The following TAFA1 variants were observed in gnomAD, a reference collection of about 807,000 sequenced individuals.
TAFA1 encodes the protein TAFA chemokine like family member 1, also known as chemokine-like protein TAFA-1.
Under a neutral mutation model 18.5 loss-of-function variants are expected in TAFA1, and 4 were observed. That is an observed-to-expected ratio of 0.22 (90% CI 0.11 to 0.49). The LOEUF is 0.49. Among genes scored for constraint, TAFA1 ranks in the 20% least tolerant of loss-of-function variants. TAFA1 has a pLI of 0.98. For missense variants in TAFA1, 147 were observed against 169.0 expected (o/e 0.87, Z 0.72); for synonymous variants, 56 against 55.2 (o/e 1.01, Z -0.06).
chr3:68,051,225 T>C (rs1261024473), intron 2 of TAFA1, among the ~76,000 whole-genome samples: 1 of 152,180 alleles, frequency 6.6e-6, no homozygotes, highest in Non-Finnish European at 1.5e-5. Flanking sequence ...AGTGAATAAA[T>C]GTTTCTATTA....
intron 2 of TAFA1, among the ~76,000 whole-genome samples, chr3:68,178,545 G>C (rs553758989): frequency 9.2e-5 from 14 of 152,190 alleles, no homozygotes; most frequent in Non-Finnish European, 2.1e-4. Context: ...CATCCAGGAG[G>C]AGGTATGTAT....
intron 3 of TAFA1, among the ~76,000 whole-genome samples, chr3:68,460,824 T>C (rs933501722): frequency 1.3e-5 from 2 of 152,268 alleles, no homozygotes; most frequent in Non-Finnish European, 1.5e-5. Flanking sequence ...ATGCTGCTAG[T>C]CTGGGGATCA....
chr3:68,433,996 A>C (rs2071227356), intron 3 of TAFA1, among the ~76,000 whole-genome samples: 1 of 152,046 alleles, frequency 6.6e-6, no homozygotes, highest in African/African-American at 2.4e-5. Context: ...TGTATCACAG[A>C]CTCAATTGAC....
At chr3:68,085,392 T>C (rs1423879840) in intron 2 of TAFA1, among the ~76,000 whole-genome samples, 1 of 152,202 alleles carries the variant, frequency 6.6e-6, no homozygotes, top group Admixed American at 6.5e-5. Context: ...TATGATTACA[T>C]GTTTTGAGGA....
chr3:68,370,702 T>C (rs908500086), intron 2 of TAFA1, among the ~76,000 whole-genome samples: 7 of 148,980 alleles, frequency 4.7e-5, no homozygotes, highest in African/African-American at 1.5e-4. Context: ...TGAAACTACA[T>C]ATAAGAGCCA....
chr3:68,235,504 C>CATACTTCGCTA (rs1376617755), intron 2 of TAFA1, among the ~76,000 whole-genome samples: 1 of 152,146 alleles, frequency 6.6e-6, no homozygotes, highest in Non-Finnish European at 1.5e-5. Flanking sequence ...ATTCCAGGTT[C>CATACTTCGCTA]ATACTTCGCT....
At chr3:68,021,542 T>G (rs1704690351) in intron 2 of TAFA1, among the ~76,000 whole-genome samples, 1 of 152,178 alleles carries the variant, frequency 6.6e-6, no homozygotes, top group Non-Finnish European at 1.5e-5. Flanking sequence ...AACACAATGG[T>G]AGCTAAATGT....
intron 2 of TAFA1, among the ~76,000 whole-genome samples, chr3:68,390,880 A>T (rs1575827433): frequency 6.6e-6 from 1 of 152,320 alleles, no homozygotes; most frequent in East Asian, 1.9e-4. Flanking sequence ...ACCAAATGTC[A>T]GTAAATCCAC....
At chr3:68,334,630 A>T (rs892871169) in intron 2 of TAFA1, among the ~76,000 whole-genome samples, 2 of 152,120 alleles carry the variant, frequency 1.3e-5, no homozygotes. Flanking sequence ...CTCTGAACTG[A>T]TACCAGTGCT....
At chr3:68,476,403 G>T (rs1575902988) in intron 3 of TAFA1, among the ~76,000 whole-genome samples, 1 of 152,186 alleles carries the variant, frequency 6.6e-6, no homozygotes, top group African/African-American at 2.4e-5. Flanking sequence ...AGGGAAGCAT[G>T]GAACTCAACT....
chr3:68,395,998 T>C (rs1468297002), intron 2 of TAFA1, among the ~76,000 whole-genome samples: 4 of 151,894 alleles, frequency 2.6e-5, no homozygotes, highest in African/African-American at 9.7e-5. Flanking sequence ...TGTTTGAGAG[T>C]GTCTGTGTCT....
At chr3:68,145,501 G>C in intron 2 of TAFA1, 1 of 969,358 alleles carries the variant, frequency 1.0e-6, no homozygotes, top group South Asian at 1.3e-5. Flanking sequence ...TGCCCAGAAA[G>C]CCAGTTGCAG....
At chr3:68,129,892 T>C (rs1324358240) in intron 2 of TAFA1, among the ~76,000 whole-genome samples, 1 of 152,182 alleles carries the variant, frequency 6.6e-6, no homozygotes, top group African/African-American at 2.4e-5. Flanking sequence ...GTTATTTTCT[T>C]ATTCATTGAA....
intron 3 of TAFA1, among the ~76,000 whole-genome samples, chr3:68,458,303 C>A (rs1379707582): frequency 2.6e-5 from 4 of 152,156 alleles, no homozygotes; most frequent in African/African-American, 9.7e-5. Context: ...GCTTCCTGTA[C>A]AGTCTGTGGA....
At chr3:68,282,511 G>A (rs921319706) in intron 2 of TAFA1, among the ~76,000 whole-genome samples, 1 of 152,102 alleles carries the variant, frequency 6.6e-6, no homozygotes, top group Admixed American at 6.5e-5. Flanking sequence ...AGGTTCCCCA[G>A]GCAATGTCAT....
chr3:68,016,519 C>A (rs1704573254), intron 2 of TAFA1, among the ~76,000 whole-genome samples: 1 of 152,142 alleles, frequency 6.6e-6, no homozygotes, highest in African/African-American at 2.4e-5. Flanking sequence ...CAATTTCCTA[C>A]AACATTCTGT....
At chr3:68,176,937 A>T (rs2066133978) in intron 2 of TAFA1, among the ~76,000 whole-genome samples, 1 of 152,038 alleles carries the variant, frequency 6.6e-6, no homozygotes. Context: ...GTTGTTTATG[A>T]TTCACTATAT....
chr3:68,521,506 A>G (rs560725449), intron 3 of TAFA1, among the ~76,000 whole-genome samples: 1 of 152,188 alleles, frequency 6.6e-6, no homozygotes, highest in Admixed American at 6.5e-5. Flanking sequence ...GTGGAGAGAT[A>G]GATGAGGAAA....
At chr3:68,186,789 C>T (rs1413367319) in intron 2 of TAFA1, among the ~76,000 whole-genome samples, 2 of 152,046 alleles carry the variant, frequency 1.3e-5, no homozygotes, top group Non-Finnish European at 2.9e-5. Flanking sequence ...GCTCAGGATG[C>T]ATTGAATTGC....
Sources: allele counts gnomAD v4.1 joint callset (sites outside exome capture counted in the v4.1 genomes callset), GRCh38; gene constraint gnomAD v4.1.1; transcripts MANE v1.5; gene names NCBI Gene and HGNC (gene_info 2026-07-23, HGNC 2026-07-21).